The following FLI1 variants were observed in gnomAD, a reference collection of about 807,000 sequenced individuals.
FLI1 encodes Friend leukemia integration 1 transcription factor.
In FLI1, 13 loss-of-function variants were observed where a neutral mutation model predicts 53.1. The ratio of observed to expected loss-of-function variants is 0.24; its 90% CI spans 0.16 to 0.39. The LOEUF (loss-of-function observed/expected upper bound fraction) is 0.39, where lower values mean the gene tolerates loss of function less well. Among genes scored for constraint, FLI1 ranks in the 10% least tolerant of loss-of-function variants. The pLI is 1.00. For missense variants in FLI1, 424 were observed against 600.5 expected (o/e 0.71, Z 3.07); for synonymous variants, 244 against 236.7 (o/e 1.03, Z -0.28).
intron 3 of FLI1, among the ~76,000 whole-genome samples, chr11:128,772,479 T>C (rs1941597665): frequency 6.6e-6 from 1 of 152,244 alleles, no homozygotes; most frequent in South Asian, 2.1e-4. Flanking sequence ...ATTGTGTTTA[T>C]TTTCATTTTG....
chr11:128,741,655 A>C (rs1484507180), intron 1 of FLI1, among the ~76,000 whole-genome samples: 2 of 152,228 alleles, frequency 1.3e-5, no homozygotes, highest in African/African-American at 2.4e-5. Flanking sequence ...TAAAAGGCTC[A>C]TCTGAGGTCC....
Position 128,751,392 on chromosome 11 carries a change from G to C in FLI1, c.19-6723G>C, listed in dbSNP as rs137877643. On this transcript the variant is annotated intron_variant, in intron 1 of 8. Coordinates refer to ENST00000527786, the MANE Select transcript of FLI1 (RefSeq NM_002017.5). Reference sequence around the variant, plus strand: ...TTTTTTTGAGACACTGTCTTACTCTGTTGCCCAGGATGGATGGTATGATCA... The same window carrying C: ...TTTTTTTGAGACACTGTCTTACTCTCTTGCCCAGGATGGATGGTATGATCA... Among the ~76,000 whole-genome samples the C allele has an allele frequency of 6.2e-4, 90 of 145,316 alleles. No individual in the cohort carries two copies. In the Middle Eastern group the frequency reaches 0.01, roughly 17 times the overall value.
intron 2 of FLI1, among the ~76,000 whole-genome samples, chr11:128,761,792 G>A (rs747715060): frequency 7.2e-5 from 11 of 152,090 alleles, no homozygotes; most frequent in Non-Finnish European, 1.5e-4. Flanking sequence ...AGCTGGAGAG[G>A]GCCTGTGTGA....
intron 1 of FLI1, among the ~76,000 whole-genome samples, chr11:128,717,362 T>A (rs1157336802): frequency 6.6e-6 from 1 of 152,192 alleles, no homozygotes; most frequent in Non-Finnish European, 1.5e-5. Flanking sequence ...CGTGTGACAT[T>A]TATTTCATAC....
chr11:128,782,532 G>C (rs899799197), intron 5 of FLI1, among the ~76,000 whole-genome samples: 1 of 152,010 alleles, frequency 6.6e-6, no homozygotes, highest in Non-Finnish European at 1.5e-5. Flanking sequence ...CACCATCTCA[G>C]CTAAAAAATA....
Position 128,781,958 on chromosome 11 carries a change from G to A in FLI1, c.590G>A (p.Ser197Asn), listed in dbSNP as rs1212969560. 1.2e-6 allele frequency: 2 copies of A among 1,613,330 alleles called. No individual in the cohort carries two copies. The highest frequency in any genetic ancestry group is 1.1e-5 in the South Asian group (1 of 91,058). The change falls in exon 5 of 9, where the codon AGT becomes AAT. Residue 197 changes from serine to asparagine, a missense_variant and splice_region_variant. Ser to Asn is a conservative substitution (Grantham distance 46). Transcript: ENST00000527786. ...AACCTGTTTATGTTTTGCCTCTCAG[G>A]TTCACTGCTGGCCTATAATACAACC... ...LLSHLSYLRE[S>N]SLLAYNTTSH...
intron 5 of FLI1, among the ~76,000 whole-genome samples, chr11:128,783,763 G>C (rs1941996679): frequency 6.6e-6 from 1 of 152,212 alleles, no homozygotes; most frequent in South Asian, 2.1e-4. Flanking sequence ...TGACTCTGGA[G>C]ATCTTGGCCT....
intron 5 of FLI1, among the ~76,000 whole-genome samples, chr11:128,802,292 T>C (rs945041322): frequency 7.2e-5 from 11 of 152,238 alleles, no homozygotes; most frequent in African/African-American, 2.7e-4. Flanking sequence ...ACCAGACGTC[T>C]CCTCGAGCCC....
intron 2 of FLI1, among the ~76,000 whole-genome samples, chr11:128,764,985 A>C (rs1941276025): frequency 6.8e-6 from 1 of 146,336 alleles, no homozygotes; most frequent in Non-Finnish European, 1.5e-5. Context: ...GAGGAGAAAC[A>C]CCCTGGCGGG....
chr11:128,749,385 G>A (rs1591778010), intron 1 of FLI1, among the ~76,000 whole-genome samples: 1 of 152,186 alleles, frequency 6.6e-6, no homozygotes, highest in Admixed American at 6.5e-5. Flanking sequence ...GGAGGTTGAC[G>A]CTGTGGTTGG....
chr11:128,690,304 C>G (rs55813957), upstream of FLI1, among the ~76,000 whole-genome samples: 48,440 of 151,808 alleles, frequency 0.32, 7,949 homozygotes, highest in East Asian at 0.39. Flanking sequence ...ACCAGAGGGG[C>G]ATGGGAGGGG....
At chr11:128,783,140 T>A (rs543707032) in intron 5 of FLI1, among the ~76,000 whole-genome samples, 2 of 152,086 alleles carry the variant, frequency 1.3e-5, no homozygotes, top group Non-Finnish European at 2.9e-5. Flanking sequence ...CCAAAATATA[T>A]AAGAAAGGCA....
intron 1 of FLI1, among the ~76,000 whole-genome samples, chr11:128,757,609 T>A (rs926833182): frequency 3.3e-5 from 5 of 152,232 alleles, no homozygotes; most frequent in Non-Finnish European, 5.9e-5. Context: ...CACCCTTCCC[T>A]TGTGTGACCT....
chr11:128,735,981 A>G (rs1222530914), intron 1 of FLI1, among the ~76,000 whole-genome samples: 1 of 152,236 alleles, frequency 6.6e-6, no homozygotes, highest in Non-Finnish European at 1.5e-5. Context: ...GTTCTTAAAT[A>G]CTGAAACCTC....
At chr11:128,744,212 A>C (rs1940272825) in intron 1 of FLI1, among the ~76,000 whole-genome samples, 1 of 152,206 alleles carries the variant, frequency 6.6e-6, no homozygotes, top group Non-Finnish European at 1.5e-5. Context: ...AAAGTGGGAT[A>C]ATTTTGAGCG....
chr11:128,771,754 C>A (rs1941565782), intron 3 of FLI1, among the ~76,000 whole-genome samples: 1 of 152,208 alleles, frequency 6.6e-6, no homozygotes, highest in Non-Finnish European at 1.5e-5. Context: ...TCACTATTCC[C>A]TTCCACTTAT....
intron 1 of FLI1, among the ~76,000 whole-genome samples, chr11:128,732,718 C>T (rs1224142048): frequency 6.6e-6 from 1 of 152,170 alleles, no homozygotes; most frequent in Non-Finnish European, 1.5e-5. Flanking sequence ...GAATATGCTT[C>T]GTTGCTTCCA....
intron 1 of FLI1, among the ~76,000 whole-genome samples, chr11:128,699,926 G>T (rs1481756647): frequency 6.6e-6 from 1 of 152,176 alleles, no homozygotes; most frequent in Non-Finnish European, 1.5e-5. Context: ...CCATATGAAG[G>T]TGATTGCATG....
At chr11:128,791,416 A>G (rs1245559810) in intron 5 of FLI1, among the ~76,000 whole-genome samples, 1 of 152,090 alleles carries the variant, frequency 6.6e-6, no homozygotes, top group Non-Finnish European at 1.5e-5. Flanking sequence ...AGACAGCATC[A>G]CCTCATTACG....
Sources: allele counts gnomAD v4.1 joint callset (sites outside exome capture counted in the v4.1 genomes callset), GRCh38; gene constraint gnomAD v4.1.1; transcripts MANE v1.5; gene names NCBI Gene and HGNC (gene_info 2026-07-23, HGNC 2026-07-21).